The following CLEC16A variants were observed in gnomAD, a reference collection of about 807,000 sequenced individuals.
CLEC16A encodes the protein protein CLEC16A.
CLEC16A carries 51 observed loss-of-function variants against 109.5 expected under a neutral mutation model. The ratio of observed to expected loss-of-function variants is 0.47; its 90% CI spans 0.37 to 0.59. The LOEUF (loss-of-function observed/expected upper bound fraction) is 0.59. Among genes scored for constraint, CLEC16A ranks in the 20% least tolerant of loss-of-function variants. The pLI is 0.00. For synonymous variants in CLEC16A, 673 were observed against 564.2 expected (o/e 1.19, Z -2.73); for missense variants, 1,339 against 1,394.0 (o/e 0.96, Z 0.63).
chr16:11,107,054 G>A (rs564786046), intron 19 of CLEC16A, among the ~76,000 whole-genome samples: 2 of 152,362 alleles, frequency 1.3e-5, no homozygotes, highest in South Asian at 4.1e-4. Flanking sequence ...TGTGGGCAGA[G>A]GGGTGTGGAG....
In CLEC16A at chr16:11,178,450, G is replaced by C; in HGVS notation, c.2922G>C (p.Val974=). 1 of 1,613,552 alleles carries C rather than the reference G, an allele frequency of 6.2e-7. No individual in the cohort carries two copies. The highest frequency in any genetic ancestry group is 1.7e-5 in the Admixed American group (1 of 60,036). ...AGAACGTGGCCAGGAGCGCAGCCGTGGAGACAGCCAGCCTGTCCCCCAGCC... is the reference window on the plus strand; with the variant it reads ...AGAACGTGGCCAGGAGCGCAGCCGTCGAGACAGCCAGCCTGTCCCCCAGCC... ...PSKNVARSAA[V]ETASLSPSLV... Residue 974 remains valine (V), a synonymous_variant, in exon 24 of 24, where the codon GTG becomes GTC. Coordinates refer to ENST00000409790, the MANE Select transcript of CLEC16A (RefSeq NM_015226.3). The surrounding 1 kb of genome is among the most constrained non-coding windows in gnomAD (Gnocchi z 6.5).
intron 15 of CLEC16A, among the ~76,000 whole-genome samples, chr16:11,043,453 C>A (rs953184041): frequency 6.6e-6 from 1 of 151,998 alleles, no homozygotes; most frequent in African/African-American, 2.4e-5. Flanking sequence ...TATTTTATAA[C>A]CCATTTTCCC....
chr16:10,950,114 G>A (rs1382662524), intron 1 of CLEC16A, among the ~76,000 whole-genome samples: 2 of 152,152 alleles, frequency 1.3e-5, no homozygotes, highest in Non-Finnish European at 2.9e-5. Context: ...GTTAGCTCCT[G>A]TGCGTTCTTA....
intron 19 of CLEC16A, among the ~76,000 whole-genome samples, chr16:11,112,938 C>A (rs1161832949): frequency 6.6e-6 from 1 of 152,148 alleles, no homozygotes; most frequent in Non-Finnish European, 1.5e-5. Context: ...CCACCTGGGC[C>A]CTGAACTCCT....
intron 12 of CLEC16A, 34 bp downstream of exon 12, chr16:11,020,359 C>A: frequency 6.3e-7 from 1 of 1,575,416 alleles, no homozygotes; most frequent in East Asian, 2.3e-5. Flanking sequence ...TGAGTGCTCT[C>A]TCAGGGAAGA....
chr16:10,966,254 A>G (rs2042500552), intron 3 of CLEC16A, among the ~76,000 whole-genome samples: 2 of 152,256 alleles, frequency 1.3e-5, no homozygotes, highest in Admixed American at 6.5e-5. Context: ...TTGCATACAC[A>G]GCAACCTGGA....
chr16:11,081,478 C>T (rs2152946187), intron 19 of CLEC16A, among the ~76,000 whole-genome samples: 1 of 152,272 alleles, frequency 6.6e-6, no homozygotes, highest in African/African-American at 2.4e-5. Flanking sequence ...AGGGCTCCTC[C>T]AGGTAGCCCT....
chr16:11,001,523 G>T (rs1165467166), intron 10 of CLEC16A, among the ~76,000 whole-genome samples: 1 of 152,246 alleles, frequency 6.6e-6, no homozygotes, highest in Non-Finnish European at 1.5e-5. Context: ...CTCAGTAGCT[G>T]TGTGACATTG....
At chr16:11,012,720 T>C (rs1217913479) in intron 11 of CLEC16A, among the ~76,000 whole-genome samples, 1 of 151,156 alleles carries the variant, frequency 6.6e-6, no homozygotes, top group Non-Finnish European at 1.5e-5. Flanking sequence ...AATCAAGGAA[T>C]AAATGTTTGC....
intron 22 of CLEC16A, among the ~76,000 whole-genome samples, chr16:11,165,193 G>A (rs902563989): frequency 7.9e-5 from 12 of 152,060 alleles, no homozygotes; most frequent in Non-Finnish European, 8.8e-5. Flanking sequence ...TTGATTTATC[G>A]TAAAGAACAC....
intron 22 of CLEC16A, among the ~76,000 whole-genome samples, chr16:11,151,543 G>A (rs973999060): frequency 6.6e-6 from 1 of 152,218 alleles, no homozygotes; most frequent in African/African-American, 2.4e-5. Flanking sequence ...GAGAGTCTAT[G>A]GGTTAATAGC....
intron 1 of CLEC16A, among the ~76,000 whole-genome samples, chr16:10,948,148 C>G (rs1443989466): frequency 4.6e-5 from 7 of 152,204 alleles, no homozygotes; most frequent in African/African-American, 1.7e-4. Flanking sequence ...CCTCCTTGAC[C>G]TCCCAAAGTG....
intron 19 of CLEC16A, among the ~76,000 whole-genome samples, chr16:11,118,042 AT>A (rs759738832): frequency 1.1e-4 from 16 of 152,090 alleles, no homozygotes; most frequent in African/African-American, 1.4e-4. Context: ...TGGTACACTC[AT>A]GGCTCACTGC....
At chr16:10,947,478 G>A (rs942555208) in intron 1 of CLEC16A, among the ~76,000 whole-genome samples, 7 of 152,220 alleles carry the variant, frequency 4.6e-5, no homozygotes, top group Admixed American at 3.3e-4. Context: ...ACACCAGCGC[G>A]GGTTCTCCAA....
At chr16:11,007,639 G>A (rs1276824458) in intron 11 of CLEC16A, among the ~76,000 whole-genome samples, 2 of 152,248 alleles carry the variant, frequency 1.3e-5, no homozygotes, top group African/African-American at 2.4e-5. Context: ...CCCTGGCCAA[G>A]GTGGAGGGCA....
intron 22 of CLEC16A, among the ~76,000 whole-genome samples, chr16:11,136,528 T>G (rs1335398601): frequency 4.6e-5 from 7 of 152,180 alleles, no homozygotes; most frequent in African/African-American, 1.7e-4. Flanking sequence ...GAAAATAGGT[T>G]CCTTTTCTAC....
At chr16:11,121,853 C>G (rs1035601114) in intron 20 of CLEC16A, among the ~76,000 whole-genome samples, 5 of 128,712 alleles carry the variant, frequency 3.9e-5, no homozygotes, top group African/African-American at 1.5e-4. Context: ...GCACTCCAGC[C>G]TGGGCGGCAG....
intron 22 of CLEC16A, among the ~76,000 whole-genome samples, chr16:11,131,405 C>G (rs979371591): frequency 6.6e-6 from 1 of 152,204 alleles, no homozygotes; most frequent in Non-Finnish European, 1.5e-5. Context: ...CCAGGGGTGT[C>G]AGGGGCTACG....
chr16:11,110,428 A>G (rs2153000518), intron 19 of CLEC16A, among the ~76,000 whole-genome samples: 1 of 152,346 alleles, frequency 6.6e-6, no homozygotes, highest in South Asian at 2.1e-4. Flanking sequence ...GCCTCACTGC[A>G]GAGCCCGGGG....
Sources: gnomAD v4.1 joint callset for allele counts (sites outside exome capture counted in the v4.1 genomes callset) on GRCh38, gnomAD v4.1.1 for gene constraint, Gnocchi (gnomAD v3.1) non-coding constraint, MANE v1.5 for transcripts, NCBI Gene and HGNC (gene_info 2026-07-23, HGNC 2026-07-21) for gene names.